The following CRTAC1 variants were observed in gnomAD, a reference collection of about 807,000 sequenced individuals.
CRTAC1 encodes the protein cartilage acidic protein 1.
In CRTAC1, 37 loss-of-function variants were observed where a neutral mutation model predicts 67.8. That is an observed-to-expected ratio of 0.55 (90% CI 0.42 to 0.72). The LOEUF is 0.72. CRTAC1 is among the 30% of genes least tolerant of loss of function. The pLI is 0.00. For missense variants in CRTAC1, 780 were observed against 931.6 expected (o/e 0.84, Z 2.12); for synonymous variants, 348 against 371.0 (o/e 0.94, Z 0.71).
chr10:97,911,415 A>C (rs1409111511), intron 5 of CRTAC1, among the ~76,000 whole-genome samples: 3 of 152,240 alleles, frequency 2.0e-5, no homozygotes, highest in African/African-American at 7.2e-5. Flanking sequence ...CATGGTAACC[A>C]CACTACTAAT....
chr10:97,887,311 A>T (rs1403027072), intron 11 of CRTAC1, among the ~76,000 whole-genome samples: 1 of 147,728 alleles, frequency 6.8e-6, no homozygotes, highest in East Asian at 2.0e-4. Context: ...GTGGGATCTC[A>T]GTTCACCACA....
At chr10:98,027,966 T>C (rs558584716) in intron 1 of CRTAC1, among the ~76,000 whole-genome samples, 1 of 151,404 alleles carries the variant, frequency 6.6e-6, no homozygotes, top group South Asian at 2.1e-4. Flanking sequence ...AGTTTTCTCA[T>C]CTGTAAATTA....
Position 97,884,324 on chromosome 10 carries a change from A to T in CRTAC1, c.1514T>A (p.Val505Glu). The change falls in exon 12 of 15, where the codon GTG becomes GAG. Residue 505 changes from valine to glutamate, a missense_variant. Coordinates refer to ENST00000370597, the MANE Select transcript of CRTAC1 (RefSeq NM_018058.7). Reference protein sequence around the residue: ...LGKDEASSVEVTWPDGKMVSR... With the variant: ...LGKDEASSVEETWPDGKMVSR... ...CACCATCTTGCCATCTGGCCACGTC[A>T]CCTCCACACTGCTGGCTTCATCCTT... 6.4e-7 allele frequency: 1 copy of T among 1,551,850 alleles called. No individual in the cohort carries two copies. The highest frequency in any genetic ancestry group is 8.7e-7 in the Non-Finnish European group (1 of 1,147,406).
chr10:97,956,839 G>A (rs1364544589), intron 2 of CRTAC1, among the ~76,000 whole-genome samples: 1 of 151,628 alleles, frequency 6.6e-6, no homozygotes, highest in African/African-American at 2.4e-5. Context: ...CTGAAAGACT[G>A]TACTCTAGCC....
chr10:97,933,348 C>G (rs909224332), intron 3 of CRTAC1, among the ~76,000 whole-genome samples: 2 of 152,286 alleles, frequency 1.3e-5, no homozygotes, highest in African/African-American at 2.4e-5. Context: ...CCAGTGCACA[C>G]TTATGCCCTC....
intron 2 of CRTAC1, among the ~76,000 whole-genome samples, chr10:97,973,839 G>A (rs902657128): frequency 1.3e-5 from 2 of 151,704 alleles, no homozygotes; most frequent in Admixed American, 1.3e-4. Flanking sequence ...TTCTTACTTT[G>A]AAGTCAGGGG....
intron 2 of CRTAC1, among the ~76,000 whole-genome samples, chr10:97,968,406 C>T (rs538839473): frequency 6.6e-6 from 1 of 152,258 alleles, no homozygotes; most frequent in South Asian, 2.1e-4. Flanking sequence ...CCATGCCTGG[C>T]TAATTTTTTT....
intron 11 of CRTAC1, among the ~76,000 whole-genome samples, chr10:97,889,259 G>C (rs2050330138): frequency 6.6e-6 from 1 of 151,986 alleles, no homozygotes; most frequent in Non-Finnish European, 1.5e-5. Flanking sequence ...GGAGTGAGCT[G>C]CCTCAGCCCG....
rs373985801 is a variant in CRTAC1, at chr10:98,029,442, T to C, written c.24+1007A>G. Among the ~76,000 whole-genome samples, 253 of 151,512 alleles carry C rather than the reference T, an allele frequency of 1.7e-3. 1 individual carries two copies. The highest frequency in any genetic ancestry group is 5.8e-3 in the African/African-American group (239 of 41,250). On this transcript the variant is annotated intron_variant, in intron 1 of 14. Coordinates refer to ENST00000370597, the MANE Select transcript of CRTAC1 (RefSeq NM_018058.7). This position sits in a 1 kb window ranked among gnomAD's most constrained non-coding sequence, Gnocchi z 4.7. ...GTGTCCTGTCAGGAGAACGGAAGCA[T>C]CTCCTGGGATGTGCAGAAGCCACAC...
chr10:98,023,346 C>T (rs1054578414), intron 1 of CRTAC1, among the ~76,000 whole-genome samples: 1 of 152,148 alleles, frequency 6.6e-6, no homozygotes, highest in Non-Finnish European at 1.5e-5. Flanking sequence ...GAGATCAAAT[C>T]GAATACCAAG....
At chr10:97,943,130 G>A (rs1461402247) in intron 2 of CRTAC1, among the ~76,000 whole-genome samples, 2 of 151,966 alleles carry the variant, frequency 1.3e-5, no homozygotes, top group Non-Finnish European at 2.9e-5. Context: ...AGTCAAGATA[G>A]AGAGTCAGGG....
intron 11 of CRTAC1, among the ~76,000 whole-genome samples, chr10:97,890,882 G>C (rs1281180744): frequency 5.9e-5 from 9 of 152,124 alleles, no homozygotes; most frequent in African/African-American, 1.9e-4. Flanking sequence ...GGTCAGGCTG[G>C]TCTCAAACTC....
chr10:97,978,917 G>A (rs1343192174), intron 2 of CRTAC1, among the ~76,000 whole-genome samples: 3 of 152,190 alleles, frequency 2.0e-5, no homozygotes, highest in Admixed American at 6.5e-5. Context: ...AACACAGCCT[G>A]GCATTTAGCA....
At chr10:97,912,107 G>T (rs2050695032) in intron 5 of CRTAC1, among the ~76,000 whole-genome samples, 7 of 152,156 alleles carry the variant, frequency 4.6e-5, no homozygotes, top group Admixed American at 4.6e-4. Context: ...GAACATAAGA[G>T]TGATAATAAT....
chr10:97,865,589 G>A lies in CRTAC1; in HGVS notation c.1945C>T (p.Leu649=). The A allele has an allele frequency of 6.2e-7, 1 of 1,613,268 alleles. No individual in the cohort carries two copies. Among genetic ancestry groups the A allele is most frequent in the Non-Finnish European group, 8.5e-7 (1 of 1,179,324 alleles). The change falls in exon 15 of 15, where the codon CTG becomes TTG. Residue 649 remains leucine (L), a synonymous_variant. Transcript: ENST00000370597. Reference sequence around the variant, plus strand: ...CAGCTCTCCTTAACCACCGACCCCAGATTGAGATCTCCATCTACGAGGACC... The same window carrying A: ...CAGCTCTCCTTAACCACCGACCCCAAATTGAGATCTCCATCTACGAGGACC... ...APVLVDGDLN[L]GSVVKESCEP... is the part of the protein sequence containing the mutation.
At chr10:98,017,171 AAGTACAC>A (rs1365982856) in intron 1 of CRTAC1, among the ~76,000 whole-genome samples, 2 of 152,218 alleles carry the variant, frequency 1.3e-5, no homozygotes, top group African/African-American at 2.4e-5. Flanking sequence ...AGCACTAGAG[AAGTACAC>A]AGTACACAGT....
intron 8 of CRTAC1, among the ~76,000 whole-genome samples, chr10:97,900,216 C>T (rs572042149): frequency 1.2e-4 from 19 of 152,192 alleles, no homozygotes; most frequent in Non-Finnish European, 2.1e-4. Context: ...CACATTCCCT[C>T]CATTTCTGAA....
At chr10:97,889,404 C>T (rs563674283) in intron 11 of CRTAC1, among the ~76,000 whole-genome samples, 4 of 145,598 alleles carry the variant, frequency 2.7e-5, no homozygotes, top group East Asian at 4.1e-4. Context: ...CCGTCTGCAC[C>T]GAGGAGCAGC....
intron 2 of CRTAC1, among the ~76,000 whole-genome samples, chr10:98,000,251 A>T (rs473833): frequency 0.11 from 16,163 of 152,204 alleles, 902 homozygotes; most frequent in South Asian, 0.16. Flanking sequence ...AGAGAAGGAG[A>T]GAAGAGCTGT....
Sources: gnomAD v4.1 joint callset for allele counts (sites outside exome capture counted in the v4.1 genomes callset) on GRCh38, gnomAD v4.1.1 for gene constraint, Gnocchi (gnomAD v3.1) non-coding constraint, MANE v1.5 for transcripts, NCBI Gene and HGNC (gene_info 2026-07-23, HGNC 2026-07-21) for gene names.